The following KLF13 variants were observed in gnomAD, a reference collection of about 807,000 sequenced individuals.
The protein encoded by KLF13 is Krueppel-like factor 13.
Under a neutral mutation model 16.7 loss-of-function variants are expected in KLF13, and 8 were observed. The observed-to-expected ratio is 0.48, with a 90% CI of 0.28 to 0.87. The LOEUF (loss-of-function observed/expected upper bound fraction) is 0.87, where lower values mean the gene tolerates loss of function less well. Among genes scored for constraint, KLF13 ranks in the 40% least tolerant of loss-of-function variants. KLF13 has a pLI of 0.10. For missense variants in KLF13, 447 were observed against 452.2 expected, an observed-to-expected ratio of 0.99 and a Z score of 0.10; for synonymous variants, 245 against 208.4, an observed-to-expected ratio of 1.18 and a Z score of -1.51.
intron 1 of KLF13, chr15:31,420,674 G>T: frequency 2.9e-6 from 1 of 340,708 alleles, no homozygotes; most frequent in South Asian, 2.7e-5. Context: ...AGGCTGCCCA[G>T]ACTGTCCTTT....
intron 1 of KLF13, among the ~76,000 whole-genome samples, chr15:31,410,584 CA>C (rs2040180412): frequency 2.1e-4 from 1 of 4,728 alleles, no homozygotes; most frequent in Non-Finnish European, 1.9e-3. Context: ...CACCAACCAA[CA>C]CACACACACA....
At chr15:31,370,595 T>G (rs1260849209) in intron 1 of KLF13, among the ~76,000 whole-genome samples, 2 of 152,060 alleles carry the variant, frequency 1.3e-5, no homozygotes, top group African/African-American at 4.8e-5. Flanking sequence ...ATTTTTGTAT[T>G]TTTAGTAGAG....
intron 1 of KLF13, among the ~76,000 whole-genome samples, chr15:31,425,883 G>GA (rs1247613094): frequency 1.3e-5 from 2 of 152,002 alleles, no homozygotes; most frequent in South Asian, 2.1e-4. Flanking sequence ...GTCTCAAAAA[G>GA]AAAAAAAATC....
chr15:31,359,842 G>C (rs1453271479), intron 1 of KLF13, among the ~76,000 whole-genome samples: 1 of 152,136 alleles, frequency 6.6e-6, no homozygotes. Context: ...ACTCTCCCTC[G>C]TCTACCCCAT....
chr15:31,398,472 G>T (rs1472701068), intron 2 of KLF13, among the ~76,000 whole-genome samples: 1 of 152,172 alleles, frequency 6.6e-6, no homozygotes, highest in South Asian at 2.1e-4. Flanking sequence ...GGCCAACCCC[G>T]CAGCCTACAC....
chr15:31,412,949 G>A (rs1282277621), intron 1 of KLF13, among the ~76,000 whole-genome samples: 2 of 152,180 alleles, frequency 1.3e-5, no homozygotes, highest in Non-Finnish European at 2.9e-5. Context: ...GCACTTCTGA[G>A]TTCCTGGGGA....
intron 1 of KLF13, among the ~76,000 whole-genome samples, chr15:31,363,834 TTCTG>T (rs1392670553): frequency 1.3e-5 from 2 of 152,260 alleles, no homozygotes; most frequent in African/African-American, 4.8e-5. Flanking sequence ...TAGAAGGAAC[TTCTG>T]TCTTACAGTT....
intron 1 of KLF13, among the ~76,000 whole-genome samples, chr15:31,332,302 C>A (rs34693358): frequency 0.29 from 44,664 of 152,148 alleles, 6,736 homozygotes; most frequent in Non-Finnish European, 0.32. Flanking sequence ...GAAAATGTTT[C>A]CTTCTCCCAA....
chr15:31,353,057 G>C (rs567821817), intron 1 of KLF13, among the ~76,000 whole-genome samples: 2 of 152,340 alleles, frequency 1.3e-5, no homozygotes, highest in Admixed American at 6.5e-5. Context: ...GGGGAGGAGG[G>C]ACTGCAGAGG....
chr15:31,423,563 C>T (rs1031770507), intron 1 of KLF13, among the ~76,000 whole-genome samples: 7 of 152,070 alleles, frequency 4.6e-5, no homozygotes, highest in East Asian at 1.9e-4. Flanking sequence ...ACCCAGGAAG[C>T]GGAGGTTGCA....
chr15:31,397,734 C>T lies in KLF13; in HGVS notation n.529+4043C>T, dbSNP rs1003657573. ...AACATTATTATTATTATGTTATTTTCAACCATACCCAGTGGCCAGCAGCTC... is the reference window on the plus strand; with the variant it reads ...AACATTATTATTATTATGTTATTTTTAACCATACCCAGTGGCCAGCAGCTC... On this transcript the variant is annotated intron_variant and non_coding_transcript_variant, in intron 2 of 2. Coordinates refer to the KLF13 transcript ENST00000500533. Among the ~76,000 whole-genome samples the T allele has an allele frequency of 2.0e-5, 3 of 152,322 alleles. No homozygotes were observed. In the South Asian group the frequency reaches 6.2e-4, roughly 32 times the overall value.
downstream of KLF13, among the ~76,000 whole-genome samples, chr15:31,409,298 A>AAAAC (rs936801333): frequency 6.6e-6 from 1 of 152,110 alleles, no homozygotes; most frequent in Non-Finnish European, 1.5e-5. Flanking sequence ...AAAACCCCAA[A>AAAAC]AAACAAACAA....
At chr15:31,432,198 G>A (rs539928664) in intron 1 of KLF13, among the ~76,000 whole-genome samples, 4 of 152,142 alleles carry the variant, frequency 2.6e-5, no homozygotes, top group African/African-American at 7.2e-5. Context: ...GGAAGGGGAA[G>A]TGAAGTTGAG....
chr15:31,330,466 C>T (rs1487451666), intron 1 of KLF13, among the ~76,000 whole-genome samples: 1 of 152,246 alleles, frequency 6.6e-6, no homozygotes, highest in Non-Finnish European at 1.5e-5. Context: ...GTTCCCAGAT[C>T]TCCCTGCAAC....
chr15:31,330,148 C>G (rs2038801321), intron 1 of KLF13, among the ~76,000 whole-genome samples: 2 of 152,172 alleles, frequency 1.3e-5, no homozygotes, highest in Non-Finnish European at 2.9e-5. Flanking sequence ...AAAAGAGCAT[C>G]TTGCAGAAGG....
intron 1 of KLF13, among the ~76,000 whole-genome samples, chr15:31,411,363 A>G (rs1180458922): frequency 6.6e-6 from 1 of 151,924 alleles, no homozygotes; most frequent in Non-Finnish European, 1.5e-5. Context: ...TCGAAATTCA[A>G]TCAATGTAAC....
At chr15:31,389,746 C>T (rs1426281753), upstream of KLF13, among the ~76,000 whole-genome samples, 5 of 152,086 alleles carry the variant, frequency 3.3e-5, no homozygotes, top group African/African-American at 9.7e-5. Flanking sequence ...CCAGTGGATT[C>T]GAACTGCAAC....
chr15:31,392,051 C>A (rs1421463071), upstream of KLF13, among the ~76,000 whole-genome samples: 1 of 151,922 alleles, frequency 6.6e-6, no homozygotes, highest in Non-Finnish European at 1.5e-5. Flanking sequence ...CGGCCAGACC[C>A]GCCAGCTGCC....
chr15:31,377,793 C>G lies in KLF13; in HGVS notation c.*5494C>G, dbSNP rs2039674162. 6.6e-6 allele frequency: 1 copy of G among 152,472 alleles called. No homozygotes were observed. Among genetic ancestry groups the G allele is most frequent in the South Asian group, 2.1e-4 (1 of 4,826 alleles). The allele number at this position is 152,472 out of a possible 1,614,324, so 9.4% of individuals were successfully genotyped here. A position where few individuals can be genotyped will look rare whatever the true frequency, so the allele number is the denominator to read the frequency against. ...ATAGATTCTATATTGTAATGATGTC[C>G]TATGCAAAAAGAAAAATTAACGAAA... On this transcript the variant is annotated 3_prime_UTR_variant, in exon 2 of 2. Transcript: ENST00000307145.
Sources: allele counts gnomAD v4.1 joint callset (sites outside exome capture counted in the v4.1 genomes callset), GRCh38; gene constraint gnomAD v4.1.1; transcripts MANE v1.5; gene names NCBI Gene and HGNC (gene_info 2026-07-23, HGNC 2026-07-21).